Variants in FLCN observed in about 807,000 individuals in gnomAD.
FLCN encodes folliculin, also known as BHD skin lesion fibrofolliculoma protein.
FLCN carries 22 observed loss-of-function variants against 62.5 expected under a neutral mutation model. The ratio of observed to expected loss-of-function variants is 0.35; its 90% confidence interval spans 0.25 to 0.50. FLCN has a LOEUF of 0.50. Ranked by LOEUF, FLCN falls within the 20% of genes least tolerant of loss-of-function variation. The pLI, the probability that FLCN is intolerant of heterozygous loss-of-function variation, is 0.97. For missense variants in FLCN, 657 were observed against 778.0 expected (o/e 0.84, Z 1.85); for synonymous variants, 319 against 310.0 (o/e 1.03, Z -0.30).
chr17:17,234,994 C>T (rs750221638), intron 1 of FLCN, among the ~76,000 whole-genome samples: 2 of 152,028 alleles, frequency 1.3e-5, no homozygotes, highest in Non-Finnish European at 1.5e-5. Flanking sequence ...GGCCTGTAGC[C>T]CCAGCTACTG....
At chr17:17,217,233 C>A (rs769365268) in intron 9 of FLCN, 51 bp from the exon 10 acceptor site, 3 of 1,216,406 alleles carry the variant, frequency 2.5e-6, no homozygotes, top group African/African-American at 3.0e-5. Context: ...AATGGTTTTT[C>A]TCTCCCTTCC....
At position 17,224,643 on chromosome 17, in the gene FLCN, C is replaced by T. The variant is rs1027648753; in HGVS notation, c.397-500G>A. 1.5e-5 allele frequency: 3 copies of T among 205,952 alleles called. No individual in the cohort carries two copies. The Admixed American group carries it at 1.6e-4, about 11-fold the overall frequency. The allele number at this position is 205,952 out of a possible 1,614,324, so 12.8% of individuals were successfully genotyped here. A position where few individuals can be genotyped will look rare whatever the true frequency, so the allele number is the denominator to read the frequency against. ...CTCCGTCTCCTGGGTTCAAGCAATT[C>T]TCCTGCCTCAGCCTCCTGAGTAGCT... On this transcript the variant is annotated intron_variant, in intron 5 of 13. Transcript: ENST00000285071.
chr17:17,219,030 G>A lies in FLCN; in HGVS notation c.1051C>T (p.His351Tyr), dbSNP rs2047006425. The A allele has an allele frequency of 1.1e-5, 18 of 1,613,548 alleles. No homozygotes were observed. Among genetic ancestry groups the A allele is most frequent in the Non-Finnish European group, 1.5e-5 (18 of 1,179,984 alleles). Residue 351 changes from histidine to tyrosine, a missense_variant, in exon 9 of 14, where the codon CAC becomes TAC. Transcript: ENST00000285071. Reference protein sequence around the residue: ...RKLPVFKSLRHMRQVLGAPSF... With the variant: ...RKLPVFKSLRYMRQVLGAPSF... ...CCCCTGCCGCCTACCTGCCTCATGT[G>A]CCGGAGGGACTTGAAGACTGGCAGC...
At position 17,221,042 on chromosome 17, in the gene FLCN, C is replaced by G. The variant is rs377655528; in HGVS notation, c.871+495G>C. ...CTTGGCCAAGACTGGCCCAGTGCTTCCAGGCTGGTGCACACAGTGCCACGA... is the reference window on the plus strand; with the variant it reads ...CTTGGCCAAGACTGGCCCAGTGCTTGCAGGCTGGTGCACACAGTGCCACGA... On this transcript the variant is annotated intron_variant, in intron 8 of 13. Coordinates refer to ENST00000285071, the MANE Select transcript of FLCN (RefSeq NM_144997.7). The G allele has an allele frequency of 6.8e-5, 50 of 735,156 alleles. No individual in the cohort carries two copies. In the African/African-American group the frequency reaches 8.8e-4, roughly 13 times the overall value. 45.5% of individuals were successfully genotyped at this position (735,156 alleles called of 1,614,324 possible).
At chr17:17,218,473 C>T (rs1370495414) in intron 9 of FLCN, among the ~76,000 whole-genome samples, 1 of 151,260 alleles carries the variant, frequency 6.6e-6, no homozygotes, top group Non-Finnish European at 1.5e-5. Context: ...TTAACCTCCA[C>T]CTCCCAGGTT....
At chr17:17,230,725 CAA>C (rs758208758) in intron 3 of FLCN, among the ~76,000 whole-genome samples, 20 of 66,042 alleles carry the variant, frequency 3.0e-4, no homozygotes, top group Admixed American at 5.3e-4. Flanking sequence ...GACTCCATCT[CAA>C]AAAAAAAAAA....
At chr17:17,234,052 A>C (rs921554396) in intron 1 of FLCN, among the ~76,000 whole-genome samples, 2 of 151,652 alleles carry the variant, frequency 1.3e-5, no homozygotes, top group African/African-American at 2.4e-5. Flanking sequence ...TCTTGGTTAT[A>C]AGGGGGTGCT....
chr17:17,222,116 C>G (rs918643816), intron 7 of FLCN, among the ~76,000 whole-genome samples: 1 of 151,190 alleles, frequency 6.6e-6, no homozygotes, highest in African/African-American at 2.4e-5. Context: ...GCAGGTGGAT[C>G]ACATGAGGTC....
In FLCN at chr17:17,213,530, T is replaced by C; in HGVS notation, c.*125A>G. On this transcript the variant is annotated 3_prime_UTR_variant, in exon 14 of 14. Coordinates refer to ENST00000285071, the MANE Select transcript of FLCN (RefSeq NM_144997.7). Reference sequence around the variant, plus strand: ...ACAGGGCCGAGCCCAGCCCTGATGGTTTCCCTTCCTTGCTGGGACACAGCT... The same window carrying C: ...ACAGGGCCGAGCCCAGCCCTGATGGCTTCCCTTCCTTGCTGGGACACAGCT... The C allele has an allele frequency of 3.0e-6, 4 of 1,340,034 alleles. No homozygotes were observed. Among genetic ancestry groups the C allele is most frequent in the Non-Finnish European group, 4.2e-6 (4 of 948,054 alleles). 83.0% of individuals were successfully genotyped at this position (1,340,034 alleles called of 1,614,324 possible). A position where few individuals can be genotyped will look rare whatever the true frequency, so the allele number is the denominator to read the frequency against.
intron 13 of FLCN, among the ~76,000 whole-genome samples, chr17:17,214,465 G>A (rs997663447): frequency 1.5e-4 from 23 of 152,088 alleles, no homozygotes; most frequent in East Asian, 1.9e-4. Flanking sequence ...ATGGTGGTGG[G>A]TGCCTGTAAT....
rs1289203227 is a variant in FLCN, at chr17:17,234,209, T to TTG, written c.-227-1309_-227-1308insCA. Among the ~76,000 whole-genome samples, 369 of 145,936 alleles carry TTG rather than the reference T, an allele frequency of 2.5e-3. 3 individuals carry two copies. The highest frequency in any genetic ancestry group is 0.018 in the Middle Eastern group (5 of 284). On this transcript the variant is annotated intron_variant, in intron 1 of 13. Coordinates refer to ENST00000285071, the MANE Select transcript of FLCN (RefSeq NM_144997.7). ...ACATGGGCTACACTGTTTTGTTTTT[T>TTG]TTTGGTTTGTTTTTTTTTTTGCGGA...
At chr17:17,219,234 TTACAGA>T (rs2047017304) in intron 8 of FLCN, 25 bp from the exon 9 acceptor site, 2 of 1,611,470 alleles carry the variant, frequency 1.2e-6, no homozygotes, top group South Asian at 1.1e-5. Context: ...ACAAGGACAG[TTACAGA>T]TACAAACAGT....
rs963455195 is a variant in FLCN at position 17,212,853 on chromosome 17, T to C, written c.*802A>G. 3.0e-5 allele frequency: 7 copies of C among 229,866 alleles called. No homozygotes were observed. The highest frequency in any genetic ancestry group is 1.1e-4 in the African/African-American group (5 of 45,082). The allele number at this position is 229,866 out of a possible 1,614,324, so 14.2% of individuals were successfully genotyped here. A position where few individuals can be genotyped will look rare whatever the true frequency, so the allele number is the denominator to read the frequency against. On this transcript the variant is annotated 3_prime_UTR_variant, in exon 14 of 14. Coordinates refer to ENST00000285071, the MANE Select transcript of FLCN (RefSeq NM_144997.7). ...ACCACACTCCGAAAATAGTTAACTGTAACCAAACGTAAATGTTGAAAGCAG... is the reference window on the plus strand; with the variant it reads ...ACCACACTCCGAAAATAGTTAACTGCAACCAAACGTAAATGTTGAAAGCAG...
chr17:17,237,192 G>C (rs953225153), upstream of FLCN: 1 of 152,204 alleles, frequency 6.6e-6, no homozygotes, highest in Admixed American at 6.5e-5. Context: ...GTGACTCCCT[G>C]AGCCGTACCA....
At chr17:17,223,833 C>T (rs2047166014) in intron 6 of FLCN, 89 bp downstream of exon 6, 1 of 1,335,556 alleles carries the variant, frequency 7.5e-7, no homozygotes, top group African/African-American at 1.4e-5. Context: ...GGGAAGACGC[C>T]ACGCGGTCTC....
intron 13 of FLCN, among the ~76,000 whole-genome samples, chr17:17,214,611 AAAAAT>A (rs933124315): frequency 3.3e-5 from 5 of 152,152 alleles, no homozygotes; most frequent in African/African-American, 2.4e-5. Flanking sequence ...AATAAAAAAT[AAAAAT>A]AAAATAAAAT....
rs1060502372 is a variant in FLCN at position 17,216,382 on chromosome 17, G to A, written c.1298C>T (p.Ser433Leu). The A allele has an allele frequency of 1.9e-6, 3 of 1,613,494 alleles. No individual in the cohort carries two copies. Among genetic ancestry groups the A allele is most frequent in the Non-Finnish European group, 2.5e-6 (3 of 1,179,696 alleles). ...HVQIPPHVLSSEFAVIVEVHA... is the reference protein window; with the variant it reads ...HVQIPPHVLSLEFAVIVEVHA... ...CCACAGCCCGCGGGGGCACGCACCT[G>A]AGGAGAGCACGTGGGGGGGGATCTG... Residue 433 changes from serine to leucine, a missense_variant and splice_region_variant, in exon 11 of 14, where the codon TCA (serine) becomes TTA (leucine). By Grantham distance (145) the Ser-to-Leu change is moderately radical. Transcript: ENST00000285071. This position sits in a 1 kb window ranked among gnomAD's most constrained non-coding sequence, Gnocchi z 4.0.
rs201078144 is a variant in FLCN, at chr17:17,223,954, T to C, written c.586A>G (p.Ile196Val). The C allele has an allele frequency of 7.3e-5, 117 of 1,613,330 alleles. No individual in the cohort carries two copies. Among genetic ancestry groups the C allele is most frequent in the Non-Finnish European group, 9.2e-5 (109 of 1,180,038 alleles). Residue 196 changes from isoleucine to valine, a missense_variant, in exon 6 of 14, where the codon ATC (isoleucine) becomes GTC (valine). Transcript: ENST00000285071. ...GCCTTGCCCTGGAGCTCATCGATGA[T>C]TCCCCGGACCTTCCCCAGCAGGAAG... is the stretch of plus-strand genomic sequence containing the variant. Reference protein sequence around the residue: ...WPFLLGKVRGIIDELQGKALK... With the variant: ...WPFLLGKVRGVIDELQGKALK...
Position 17,227,940 on chromosome 17 carries a change from C to T in FLCN, c.198G>A (p.Gly66=), listed in dbSNP as rs1369491093. 1.2e-6 allele frequency: 2 copies of T among 1,614,152 alleles called. No homozygotes were observed. Among genetic ancestry groups the T allele is most frequent in the Non-Finnish European group, 1.7e-6 (2 of 1,180,038 alleles). ...CCGGGCTGCTGGACTCGACGCTGGC[C>T]CCCTCTGCGGGGCTGTGCGCACGCA... ...SRMRAHSPAE[G]ASVESSSPGP... is the part of the protein sequence containing the mutation. The change falls in exon 4 of 14, where the codon GGG becomes GGA. Residue 66 remains glycine, a synonymous_variant. Coordinates refer to ENST00000285071, the MANE Select transcript of FLCN (RefSeq NM_144997.7).
Sources: allele counts gnomAD v4.1 joint callset (sites outside exome capture counted in the v4.1 genomes callset), GRCh38; gene constraint gnomAD v4.1.1; non-coding constraint Gnocchi (gnomAD v3.1); transcripts MANE v1.5; gene names NCBI Gene and HGNC (gene_info 2026-07-23, HGNC 2026-07-21).